STARD13: variants seen among roughly 807,000 people sequenced by gnomAD.
STARD13 encodes stAR-related lipid transfer protein 13.
A neutral mutation model predicts 106.4 loss-of-function variants in STARD13; 62 were observed. The ratio of observed to expected loss-of-function variants is 0.58; its 90% CI spans 0.48 to 0.72. The LOEUF is 0.72. STARD13 is among the 30% of genes least tolerant of loss of function. STARD13 has a pLI of 0.00. For missense variants in STARD13, 1,387 were observed against 1,424.0 expected, an observed-to-expected ratio of 0.97 and a Z score of 0.42; for synonymous variants, 565 against 553.0, an observed-to-expected ratio of 1.02 and a Z score of -0.31.
the STARD13 span, among the ~76,000 whole-genome samples, chr13:33,534,529 A>G: frequency 6.6e-6 from 1 of 152,230 alleles, no homozygotes; most frequent in Admixed American, 6.5e-5. Flanking sequence ...TGTTTTAAAG[A>G]TATTTGAAAC....
At chr13:33,515,129 G>C in the STARD13 span, among the ~76,000 whole-genome samples, 1 of 152,122 alleles carries the variant, frequency 6.6e-6, no homozygotes, top group African/African-American at 2.4e-5. Flanking sequence ...AAATGTTCTG[G>C]CTTCAGTTCC....
chr13:33,178,961 A>G (rs1381253847), intron 1 of STARD13, among the ~76,000 whole-genome samples: 1 of 152,174 alleles, frequency 6.6e-6, no homozygotes, highest in African/African-American at 2.4e-5. Flanking sequence ...AAAACTAGCA[A>G]ATTTACCAAA....
chr13:33,599,960 G>T, the STARD13 span, among the ~76,000 whole-genome samples: 1 of 152,080 alleles, frequency 6.6e-6, no homozygotes, highest in African/African-American at 2.4e-5. Flanking sequence ...AATGGAAAAC[G>T]CCCCTTTATA....
At chr13:33,339,698 T>C (rs1388180964) in intron 1 of STARD13, among the ~76,000 whole-genome samples, 2 of 152,226 alleles carry the variant, frequency 1.3e-5, no homozygotes, top group African/African-American at 4.8e-5. Flanking sequence ...AAGATAATAC[T>C]TGAAATATGC....
the STARD13 span, among the ~76,000 whole-genome samples, chr13:33,669,510 T>C: frequency 6.6e-6 from 1 of 151,040 alleles, no homozygotes; most frequent in Non-Finnish European, 1.5e-5. Context: ...CACTAACTGC[T>C]ATGATAAGAA....
At chr13:33,433,095 C>A in the STARD13 span, among the ~76,000 whole-genome samples, 63 of 152,248 alleles carry the variant, frequency 4.1e-4, no homozygotes, top group Non-Finnish European at 2.4e-4. Context: ...TTATTGACAA[C>A]AAATGGCTTT....
chr13:33,157,441 G>A (rs1333080025), intron 3 of STARD13, among the ~76,000 whole-genome samples: 1 of 152,188 alleles, frequency 6.6e-6, no homozygotes, highest in Non-Finnish European at 1.5e-5. Context: ...GCCGAGTTGG[G>A]TGAATCACTT....
the STARD13 span, among the ~76,000 whole-genome samples, chr13:33,566,259 T>A: frequency 6.7e-6 from 1 of 148,464 alleles, no homozygotes; most frequent in South Asian, 2.1e-4. Context: ...TGGTTATCTC[T>A]TACTCTGCCT....
upstream of STARD13, chr13:33,350,654 C>T (rs1165755673): frequency 7.8e-7 from 1 of 1,275,392 alleles, no homozygotes; most frequent in African/African-American, 1.6e-5. Flanking sequence ...GCCAACTCCT[C>T]TACTCCTTTC....
chr13:33,118,257 G>T lies in STARD13; in HGVS notation c.2089C>A (p.Leu697Ile), dbSNP rs1875704997. Residue 697 changes from leucine (L) to isoleucine (I), a missense_variant, in exon 8 of 14, where the codon CTT (leucine) becomes ATT (isoleucine). By Grantham distance (5) the Leu-to-Ile change is conservative. Transcript: ENST00000336934. ...GACTTCACTCCTGATTTGCGAAAAA[G>T]ACCCACCTGAAACAAAGCCATAGGG... ...LRSNCLDQVGLFRKSGVKSRI... is the reference protein window; with the variant it reads ...LRSNCLDQVGIFRKSGVKSRI... The T allele has an allele frequency of 6.2e-7, 1 of 1,614,126 alleles. No homozygotes were observed. Among genetic ancestry groups the T allele is most frequent in the Non-Finnish European group, 8.5e-7 (1 of 1,180,022 alleles).
intron 1 of STARD13, among the ~76,000 whole-genome samples, chr13:33,253,222 ACTT>A (rs1051352385): frequency 7.2e-5 from 11 of 152,170 alleles, no homozygotes; most frequent in African/African-American, 2.7e-4. Flanking sequence ...TTCCTAAAAG[ACTT>A]CTTAGACCTC....
At chr13:33,174,895 C>T (rs893022180) in intron 1 of STARD13, among the ~76,000 whole-genome samples, 2 of 152,062 alleles carry the variant, frequency 1.3e-5, no homozygotes, top group Non-Finnish European at 2.9e-5. Flanking sequence ...ATATGAATTC[C>T]AAAAAATGTT....
chr13:33,348,919 A>G (rs866800500), exon 2 of STARD13: 47 of 541,466 alleles, frequency 8.7e-5, no homozygotes, highest in African/African-American at 8.1e-4. Context: ...AATCATCCAT[A>G]ATCTCCACTT....
the STARD13 span, among the ~76,000 whole-genome samples, chr13:33,539,240 A>T: frequency 6.6e-6 from 1 of 152,250 alleles, no homozygotes; most frequent in Non-Finnish European, 1.5e-5. Context: ...TATGCTGAAA[A>T]TTACAAACAG....
chr13:33,636,126 C>A, the STARD13 span, among the ~76,000 whole-genome samples: 4 of 125,772 alleles, frequency 3.2e-5, no homozygotes, highest in Admixed American at 2.0e-4. Flanking sequence ...GGTGACAGAG[C>A]GAGACTCTGT....
intron 1 of STARD13, among the ~76,000 whole-genome samples, chr13:33,179,288 CATT>C (rs1204099221): frequency 6.6e-6 from 1 of 152,196 alleles, no homozygotes; most frequent in Non-Finnish European, 1.5e-5. Flanking sequence ...ATACACCTCT[CATT>C]ACCTGTGTGA....
At chr13:33,483,076 G>C in the STARD13 span, among the ~76,000 whole-genome samples, 1 of 152,138 alleles carries the variant, frequency 6.6e-6, no homozygotes, top group South Asian at 2.1e-4. Context: ...AACTTCACCT[G>C]GCAAGGAAGT....
At chr13:33,413,008 A>T in the STARD13 span, among the ~76,000 whole-genome samples, 2 of 152,188 alleles carry the variant, frequency 1.3e-5, no homozygotes, top group East Asian at 3.8e-4. Context: ...AATAGACCTC[A>T]TCATGGGCTG....
intron 1 of STARD13, among the ~76,000 whole-genome samples, chr13:33,270,741 G>A (rs1891119520): frequency 6.6e-6 from 1 of 152,088 alleles, no homozygotes; most frequent in Admixed American, 6.5e-5. Context: ...TTGTTTTCAA[G>A]GTTCATTTTC....
Sources: allele counts gnomAD v4.1 joint callset (sites outside exome capture counted in the v4.1 genomes callset), GRCh38; gene constraint gnomAD v4.1.1; transcripts MANE v1.5; gene names NCBI Gene and HGNC (gene_info 2026-07-23, HGNC 2026-07-21).